Variants in TRIP11 observed in about 807,000 individuals in gnomAD.
The protein encoded by TRIP11 is thyroid receptor-interacting protein 11.
TRIP11 carries 148 observed loss-of-function variants against 223.1 expected under a neutral mutation model. The ratio of observed to expected loss-of-function variants is 0.66; its 90% CI spans 0.58 to 0.76. The LOEUF (loss-of-function observed/expected upper bound fraction) is 0.76, where lower values mean the gene tolerates loss of function less well. Ranked by LOEUF, TRIP11 falls within the 30% of genes least tolerant of loss-of-function variation. The probability of loss-of-function intolerance (pLI) is 0.00; values close to 1 mark genes in which losing one functional copy is unlikely to be tolerated. For missense variants in TRIP11, 2,043 were observed against 2,222.0 expected (o/e 0.92, Z 1.62); for synonymous variants, 762 against 772.6 (o/e 0.99, Z 0.23).
At chr14:92,025,480 T>C (rs1229310295) in intron 2 of TRIP11, 60 bp from the exon 3 acceptor site, 16 of 1,206,436 alleles carry the variant, frequency 1.3e-5, no homozygotes, top group Non-Finnish European at 1.7e-5. Context: ...ATTAGTTATG[T>C]GCACAGCATT....
At chr14:91,976,340 G>T in intron 16 of TRIP11, 151 bp from the exon 17 acceptor site, 1 of 744,452 alleles carries the variant, frequency 1.3e-6, no homozygotes, top group Non-Finnish European at 2.2e-6. Flanking sequence ...TCTCTTCTTT[G>T]GTCCAGGGAA....
rs201112407 is a variant in TRIP11, at chr14:92,007,735, C to T, written c.1432G>A (p.Ala478Thr). ...ELHDLRLNLE[A>T]KEQELNQSIS... ...CTCTGATTGAGTTCTTGTTCCTTTG[C>T]CTCCAAATTAAGTCTTAAGTCATGT... Residue 478 changes from alanine (A) to threonine (T), a missense_variant, in exon 10 of 21, where the codon GCA becomes ACA. Physicochemically the swap from Ala to Thr is moderately conservative, Grantham distance 58. Transcript: ENST00000267622. The T allele has an allele frequency of 4.2e-4, 670 of 1,613,712 alleles. 6 individuals carry two copies. In the South Asian group the frequency reaches 7.0e-3, roughly 17 times the overall value.
intron 14 of TRIP11, among the ~76,000 whole-genome samples, chr14:91,994,839 A>C (rs933342464): frequency 2.6e-5 from 4 of 152,202 alleles, no homozygotes; most frequent in African/African-American, 9.7e-5. Context: ...TTGTGTCTCC[A>C]AAAAAGCACC....
intron 11 of TRIP11, 32 bp from the exon 12 acceptor site, chr14:92,000,140 AACAC>A: frequency 6.2e-7 from 1 of 1,609,398 alleles, no homozygotes; most frequent in Non-Finnish European, 8.5e-7. Context: ...AGCTTTAAAA[AACAC>A]ACACACACAC....
chr14:92,027,683 C>T (rs1013122325), intron 2 of TRIP11, among the ~76,000 whole-genome samples: 1 of 152,184 alleles, frequency 6.6e-6, no homozygotes. Context: ...AATATACCCA[C>T]AAACACGGTT....
rs911310364 is a variant in TRIP11 at position 91,976,027 on chromosome 14, A to C, written c.5342+81T>G. ...CTTTTGAAAAATTTAATCACATATAAACATCTACATTTAGAAGTTTTTTTT... is the reference window on the plus strand; with the variant it reads ...CTTTTGAAAAATTTAATCACATATACACATCTACATTTAGAAGTTTTTTTT... On this transcript the variant is annotated intron_variant, in intron 17 of 20. Transcript: ENST00000267622. 2.9e-6 allele frequency: 4 copies of C among 1,357,202 alleles called. No individual in the cohort carries two copies. In the African/African-American group the frequency reaches 4.3e-5, roughly 15 times the overall value. 84.1% of individuals were successfully genotyped at this position (1,357,202 alleles called of 1,614,324 possible).
At chr14:92,039,452 G>T in intron 1 of TRIP11, 95 bp downstream of exon 1, 2 of 1,377,032 alleles carry the variant, frequency 1.5e-6, no homozygotes, top group Non-Finnish European at 2.0e-6. Flanking sequence ...ATTCCTTTGC[G>T]ACCTGTCCGC....
chr14:91,974,327 T>C (rs1249916706), intron 19 of TRIP11, among the ~76,000 whole-genome samples: 1 of 152,200 alleles, frequency 6.6e-6, no homozygotes, highest in Non-Finnish European at 1.5e-5. Context: ...TCCTCTATCT[T>C]GCTACTATAA....
At chr14:91,986,029 A>G (rs1016427588) in intron 16 of TRIP11, among the ~76,000 whole-genome samples, 2 of 152,174 alleles carry the variant, frequency 1.3e-5, no homozygotes, top group Non-Finnish European at 2.9e-5. Flanking sequence ...ACATAACAGA[A>G]CCAACTGTCT....
In TRIP11 at chr14:92,000,064, T is replaced by G; in HGVS notation, c.4602A>C (p.Ser1534=). 6.2e-7 allele frequency: 1 copy of G among 1,614,046 alleles called. No individual in the cohort carries two copies. The highest frequency in any genetic ancestry group is 8.5e-7 in the Non-Finnish European group (1 of 1,179,976). ...ELNQLLNAVK[S]MQEKTVVFQQ... is the part of the protein sequence containing the mutation. ...GAAACACAACTGTCTTCTCCTGCAT[T>G]GATTTAACTGCATTTAAAAGCTGAT... The change falls in exon 12 of 21, where the codon TCA becomes TCC. Residue 1534 remains serine (S), a synonymous_variant. Coordinates refer to ENST00000267622, the MANE Select transcript of TRIP11 (RefSeq NM_004239.4).
chr14:92,011,008 T>G lies in TRIP11; in HGVS notation c.1292A>C (p.Lys431Thr). The G allele has an allele frequency of 6.2e-7, 1 of 1,614,028 alleles. No individual in the cohort carries two copies. Among genetic ancestry groups the G allele is most frequent in the East Asian group, 2.2e-5 (1 of 44,850 alleles). Residue 431 changes from lysine to threonine, a missense_variant, in exon 9 of 21, where the codon AAG becomes ACG. By Grantham distance (78) the Lys-to-Thr change is moderately conservative. Coordinates refer to ENST00000267622, the MANE Select transcript of TRIP11 (RefSeq NM_004239.4). ...KMRIEVLEKEKSLLSQEKEEL... is the reference protein window; with the variant it reads ...KMRIEVLEKETSLLSQEKEEL... ...CACCTTTTCTTGACTCAGTAATGAC[T>G]TCTCTTTTTCTAAAACTTCGATACG... is the stretch of plus-strand genomic sequence containing the variant.
chr14:92,039,853 C>T lies in TRIP11; in HGVS notation c.-168G>A. 7 of 1,434,678 alleles carry T rather than the reference C, an allele frequency of 4.9e-6. No individual in the cohort carries two copies. Among genetic ancestry groups the T allele is most frequent in the Non-Finnish European group, 6.6e-6 (7 of 1,059,608 alleles). 88.9% of individuals were successfully genotyped at this position (1,434,678 alleles called of 1,614,324 possible). On this transcript the variant is annotated 5_prime_UTR_variant, in exon 1 of 21. Transcript: ENST00000267622. The stretch of plus-strand genomic sequence containing the variant: ...CGACTCCAGGTTCTGCCTAGAAACG[C>T]AGAGGCCTGGCCTGGAATTTTACCA...
chr14:92,007,709 ACT>A lies in TRIP11; in HGVS notation c.1456_1457del (p.Ser486TyrfsTer2). The part of the protein sequence containing the change: ...LEAKEQELNQ[S>X]ISEKETLIAE... ...CTATCAGTGTTTCCTTTTCACTAAT[ACT>A]CTGATTGAGTTCTTGTTCCTTTGCC... On this transcript the variant is annotated frameshift_variant, in exon 10 of 21. Coordinates refer to ENST00000267622, the MANE Select transcript of TRIP11 (RefSeq NM_004239.4). LOFTEE classifies it high-confidence loss of function. 6.2e-7 allele frequency: 1 copy of A among 1,613,610 alleles called. No homozygotes were observed.
rs778402674 is a variant in TRIP11 at position 91,969,566 on chromosome 14, G to A, written c.*107C>T. On this transcript the variant is annotated 3_prime_UTR_variant, in exon 21 of 21. Transcript: ENST00000267622. ...TTAAATTCAGAGAAAGCATAATTGC[G>A]AACAAATACATGACTTTCTCCCCAA... 126 of 1,108,704 alleles carry A rather than the reference G, an allele frequency of 1.1e-4. No homozygotes were observed. The highest frequency in any genetic ancestry group is 1.6e-4 in the Non-Finnish European group (116 of 730,160). 68.7% of individuals were successfully genotyped at this position (1,108,704 alleles called of 1,614,324 possible).
chr14:92,005,985 A>G lies in TRIP11; in HGVS notation c.1991T>C (p.Leu664Pro), dbSNP rs1347154320. The G allele has an allele frequency of 1.2e-6, 2 of 1,611,084 alleles. No individual in the cohort carries two copies. The highest frequency in any genetic ancestry group is 1.3e-5 in the African/African-American group (1 of 74,626). ...AGCAACTTTCTTTAAATTTTCATTGAGCTGTTCTAATTCTGAAAGATTTTG... is the reference window on the plus strand; with the variant it reads ...AGCAACTTTCTTTAAATTTTCATTGGGCTGTTCTAATTCTGAAAGATTTTG... ...LKQNLSELEQ[L>P]NENLKKVAFD... is the part of the protein sequence containing the mutation. The change falls in exon 11 of 21, where the codon CTC (leucine) becomes CCC (proline). Residue 664 changes from leucine to proline, a missense_variant. Coordinates refer to ENST00000267622, the MANE Select transcript of TRIP11 (RefSeq NM_004239.4).
intron 17 of TRIP11, among the ~76,000 whole-genome samples, 160 bp from the exon 18 acceptor site, chr14:91,975,446 C>G (rs1453645457): frequency 6.6e-6 from 1 of 151,926 alleles, no homozygotes. Flanking sequence ...CTTGACAAGT[C>G]TAATATTTCA....
chr14:91,980,715 A>AG (rs1412064495), intron 16 of TRIP11, among the ~76,000 whole-genome samples: 1 of 151,984 alleles, frequency 6.6e-6, no homozygotes, highest in Non-Finnish European at 1.5e-5. Context: ...GTCATCTTTG[A>AG]GGCCAAGGAG....
intron 16 of TRIP11, among the ~76,000 whole-genome samples, chr14:91,977,571 T>G (rs923127285): frequency 6.6e-6 from 1 of 152,126 alleles, no homozygotes; most frequent in African/African-American, 2.4e-5. Context: ...AGACTCTAAA[T>G]TCCCACTGTA....
chr14:91,983,408 G>A (rs1288491673), intron 16 of TRIP11, among the ~76,000 whole-genome samples: 1 of 152,194 alleles, frequency 6.6e-6, no homozygotes, highest in Non-Finnish European at 1.5e-5. Context: ...AACAATTTAT[G>A]TTCTGAATTA....
Sources: gnomAD v4.1 joint callset for allele counts (sites outside exome capture counted in the v4.1 genomes callset) on GRCh38, gnomAD v4.1.1 for gene constraint, MANE v1.5 for transcripts, NCBI Gene and HGNC (gene_info 2026-07-23, HGNC 2026-07-21) for gene names.